SUGCT: variants seen among roughly 807,000 people sequenced by gnomAD.
SUGCT encodes the protein succinyl-CoA:glutarate-CoA transferase.
A neutral mutation model predicts 55.0 loss-of-function variants in SUGCT; 41 were observed. The ratio of observed to expected loss-of-function variants is 0.74; its 90% CI spans 0.58 to 0.97. The LOEUF is 0.97. Ranked by LOEUF, SUGCT falls within the 50% of genes least tolerant of loss-of-function variation. The pLI is 0.00. For missense variants in SUGCT, 568 were observed against 547.8 expected, an observed-to-expected ratio of 1.04 and a Z score of -0.37; for synonymous variants, 187 against 200.4, an observed-to-expected ratio of 0.93 and a Z score of 0.56.
intron 8 of SUGCT, among the ~76,000 whole-genome samples, chr7:40,282,492 A>AAAAC (rs3085012): frequency 6.8e-4 from 103 of 150,580 alleles, no homozygotes; most frequent in East Asian, 2.2e-3. Context: ...AACAAAAACA[A>AAAAC]AAACAAACAA....
At chr7:40,858,835 G>A (rs1387092918) in intron 13 of SUGCT, among the ~76,000 whole-genome samples, 1 of 152,162 alleles carries the variant, frequency 6.6e-6, no homozygotes, top group Non-Finnish European at 1.5e-5. Context: ...AAAACTGTAG[G>A]CATCAGTTGA....
chr7:40,498,100 A>G (rs1454575635), intron 12 of SUGCT, among the ~76,000 whole-genome samples: 2 of 152,142 alleles, frequency 1.3e-5, no homozygotes. Flanking sequence ...GGTCTATGGC[A>G]TATTTTCAGT....
At chr7:40,927,746 A>C in the SUGCT span, among the ~76,000 whole-genome samples, 7 of 152,186 alleles carry the variant, frequency 4.6e-5, no homozygotes, top group African/African-American at 1.7e-4. Flanking sequence ...CCTCCATGTA[A>C]CACCACTAAA....
the SUGCT span, among the ~76,000 whole-genome samples, chr7:41,017,837 A>C: frequency 1.3e-5 from 2 of 151,736 alleles, no homozygotes; most frequent in African/African-American, 2.4e-5. Context: ...TCCCCATCCT[A>C]ACCAGAAAGA....
At chr7:40,168,121 G>A (rs1186091243) in intron 1 of SUGCT, among the ~76,000 whole-genome samples, 1 of 152,200 alleles carries the variant, frequency 6.6e-6, no homozygotes, top group African/African-American at 2.4e-5. Context: ...TTGGATGTGA[G>A]CTGAGTTAGA....
intron 12 of SUGCT, among the ~76,000 whole-genome samples, chr7:40,702,886 A>G (rs1394637280): frequency 6.6e-6 from 1 of 152,134 alleles, no homozygotes; most frequent in African/African-American, 2.4e-5. Flanking sequence ...GTAACTCTCA[A>G]ATCAGCCCAC....
At position 40,659,772 on chromosome 7, in the gene SUGCT, C is replaced by T. The variant is rs968851813; in HGVS notation, c.1090-89662C>T. ...TAACCAGTGACTCACTGAGAGCCCT[C>T]GAATTTACTTGACTTGGGGTGAGGG... On this transcript the variant is annotated intron_variant, in intron 12 of 13. Coordinates refer to ENST00000335693, the MANE Select transcript of SUGCT (RefSeq NM_001193313.2). 7.2e-5 allele frequency among the ~76,000 whole-genome samples: 11 copies of T among 152,176 alleles called. 1 individual carries two copies. The South Asian group carries it at 8.3e-4, about 11-fold the overall frequency.
intron 9 of SUGCT, among the ~76,000 whole-genome samples, chr7:40,343,813 C>T (rs1268424512): frequency 2.6e-5 from 4 of 152,052 alleles, no homozygotes; most frequent in South Asian, 4.1e-4. Flanking sequence ...CCCGCCACCA[C>T]GCCTGGCTAA....
intron 7 of SUGCT, among the ~76,000 whole-genome samples, chr7:40,266,013 G>GT (rs1218988619): frequency 2.0e-5 from 3 of 151,812 alleles, no homozygotes; most frequent in African/African-American, 7.3e-5. Context: ...TAGTGGTGTG[G>GT]TTTTTCCCCT....
intron 12 of SUGCT, among the ~76,000 whole-genome samples, chr7:40,698,493 C>T (rs1354845372): frequency 2.0e-5 from 3 of 152,198 alleles, no homozygotes; most frequent in Admixed American, 6.5e-5. Context: ...TAGACATCCT[C>T]TTGTGGTCAG....
At chr7:40,464,024 AG>A (rs1438474935) in intron 11 of SUGCT, among the ~76,000 whole-genome samples, 2 of 152,196 alleles carry the variant, frequency 1.3e-5, no homozygotes, top group Non-Finnish European at 2.9e-5. Context: ...TAGGACCCCA[AG>A]AGAGATATTG....
chr7:40,467,047 A>G (rs1046134308), intron 11 of SUGCT, among the ~76,000 whole-genome samples: 1 of 151,820 alleles, frequency 6.6e-6, no homozygotes, highest in African/African-American at 2.4e-5. Flanking sequence ...ACTAAAATAC[A>G]AAAAACTAGC....
chr7:40,221,689 C>T (rs1259121000), intron 6 of SUGCT, among the ~76,000 whole-genome samples: 1 of 151,800 alleles, frequency 6.6e-6, no homozygotes, highest in African/African-American at 2.4e-5. Context: ...TGGGGTTTCA[C>T]TATGTTGGCC....
At chr7:40,371,607 A>G (rs1193577857) in intron 9 of SUGCT, among the ~76,000 whole-genome samples, 1 of 152,174 alleles carries the variant, frequency 6.6e-6, no homozygotes, top group Admixed American at 6.6e-5. Context: ...CAAAAATATT[A>G]TACATTGTTT....
the SUGCT span, among the ~76,000 whole-genome samples, chr7:40,913,188 T>A: frequency 6.6e-6 from 1 of 152,038 alleles, no homozygotes; most frequent in Non-Finnish European, 1.5e-5. Context: ...TTTTTTGTAC[T>A]TTTAGTAGAG....
the SUGCT span, among the ~76,000 whole-genome samples, chr7:40,957,463 T>C: frequency 6.8e-6 from 1 of 146,970 alleles, no homozygotes; most frequent in Non-Finnish European, 1.5e-5. Flanking sequence ...TTTTTTTTTT[T>C]TTTTTTTTTG....
At chr7:40,304,048 CAAAAA>C (rs529987357) in intron 8 of SUGCT, among the ~76,000 whole-genome samples, 1 of 61,562 alleles carries the variant, frequency 1.6e-5, no homozygotes. Context: ...GACTCCATCT[CAAAAA>C]AAAAAAAAAA....
chr7:40,249,313 C>CTATATATATA (rs57348487), intron 7 of SUGCT, among the ~76,000 whole-genome samples: 970 of 79,298 alleles, frequency 0.012, 12 homozygotes, highest in African/African-American at 0.017. Context: ...CACCAAAAAG[C>CTATATATATA]TATATATATA....
At chr7:40,576,020 C>T (rs1456780842) in intron 12 of SUGCT, among the ~76,000 whole-genome samples, 1 of 151,734 alleles carries the variant, frequency 6.6e-6, no homozygotes, top group Non-Finnish European at 1.5e-5. Flanking sequence ...AAAAACTAGA[C>T]AGTATCACTG....
Sources: gnomAD v4.1 joint callset for allele counts (sites outside exome capture counted in the v4.1 genomes callset) on GRCh38, gnomAD v4.1.1 for gene constraint, MANE v1.5 for transcripts, NCBI Gene and HGNC (gene_info 2026-07-23, HGNC 2026-07-21) for gene names.